The following HIVEP1 variants were observed in gnomAD, a reference collection of about 807,000 sequenced individuals.
HIVEP1 encodes the protein HIVEP zinc finger 1, also known as zinc finger protein 40.
A neutral mutation model predicts 180.0 loss-of-function variants in HIVEP1; 36 were observed. That is an observed-to-expected ratio of 0.20 (90% CI 0.15 to 0.26). The LOEUF (loss-of-function observed/expected upper bound fraction) is 0.26. HIVEP1 is among the 10% of genes least tolerant of loss of function. HIVEP1 has a pLI of 1.00. For synonymous variants in HIVEP1, 1,239 were observed against 1,239.0 expected, an observed-to-expected ratio of 1.00 and a Z score of 0.00; for missense variants, 3,143 against 3,268.7, an observed-to-expected ratio of 0.96 and a Z score of 0.94.
chr6:12,124,655 C>G lies in HIVEP1; in HGVS notation c.4860C>G (p.Leu1620=). The change falls in exon 4 of 9, where the codon CTC becomes CTG. Residue 1620 remains leucine (L), a synonymous_variant. Transcript: ENST00000379388. ...CGCATCCTCTGCTACCACCAGAGCT[C>G]AGGCCCCTTGGAAGTCAGGTGCAGA... ...SNSHPLLPPE[L]RPLGSQVQKV... The G allele has an allele frequency of 6.2e-7, 1 of 1,614,182 alleles. No homozygotes were observed. Among genetic ancestry groups the G allele is most frequent in the Middle Eastern group, 1.6e-4 (1 of 6,062 alleles).
At chr6:12,126,014 G>A in intron 4 of HIVEP1, 144 bp downstream of exon 4, 1 of 610,454 alleles carries the variant, frequency 1.6e-6, no homozygotes, top group Non-Finnish European at 2.9e-6. Flanking sequence ...AAGACAGGGT[G>A]ATATATTTAC....
the HIVEP1 span, among the ~76,000 whole-genome samples, chr6:12,203,150 G>A: frequency 2.0e-5 from 3 of 152,340 alleles, no homozygotes; most frequent in East Asian, 5.8e-4. Context: ...TGGATTTGGT[G>A]GGAGAAGGAT....
At chr6:12,116,566 A>G (rs1775226579) in intron 3 of HIVEP1, among the ~76,000 whole-genome samples, 1 of 152,082 alleles carries the variant, frequency 6.6e-6, no homozygotes, top group African/African-American at 2.4e-5. Flanking sequence ...AAGTCCTTGA[A>G]TTTAGACTGA....
chr6:12,116,547 T>C (rs1775224876), intron 3 of HIVEP1, among the ~76,000 whole-genome samples: 1 of 145,356 alleles, frequency 6.9e-6, no homozygotes, highest in Non-Finnish European at 1.5e-5. Flanking sequence ...CTCCTTACAA[T>C]AAAAAAAAAA....
intron 2 of HIVEP1, among the ~76,000 whole-genome samples, chr6:12,086,153 C>A (rs998289070): frequency 3.9e-5 from 6 of 152,138 alleles, no homozygotes; most frequent in African/African-American, 1.4e-4. Flanking sequence ...TACTTCTCTT[C>A]TAGCCTATTG....
intron 7 of HIVEP1, among the ~76,000 whole-genome samples, chr6:12,152,738 A>G (rs1479294943): frequency 6.6e-6 from 1 of 152,180 alleles, no homozygotes; most frequent in African/African-American, 2.4e-5. Context: ...GAAACCCAGG[A>G]AAGGAATCCC....
At chr6:12,153,765 T>G (rs1343388989) in intron 7 of HIVEP1, among the ~76,000 whole-genome samples, 3 of 151,982 alleles carry the variant, frequency 2.0e-5, no homozygotes, top group African/African-American at 7.2e-5. Flanking sequence ...AAGGTACTAG[T>G]GAGAAGTCTT....
chr6:12,084,383 G>A (rs978903069), intron 2 of HIVEP1, among the ~76,000 whole-genome samples: 4 of 152,116 alleles, frequency 2.6e-5, no homozygotes, highest in African/African-American at 9.7e-5. Flanking sequence ...AAGTCCAGCG[G>A]TATTTGAGAT....
chr6:12,090,635 T>C (rs1244461690), intron 3 of HIVEP1, among the ~76,000 whole-genome samples: 1 of 151,962 alleles, frequency 6.6e-6, no homozygotes, highest in African/African-American at 2.4e-5. Context: ...ATGGCCACCT[T>C]GTCCCTTTGA....
At chr6:12,108,831 G>A (rs529127891) in intron 3 of HIVEP1, among the ~76,000 whole-genome samples, 7 of 152,218 alleles carry the variant, frequency 4.6e-5, no homozygotes, top group Non-Finnish European at 8.8e-5. Flanking sequence ...CCAGAAAGGG[G>A]CTCCCACAGT....
intron 2 of HIVEP1, among the ~76,000 whole-genome samples, chr6:12,068,251 C>T (rs57578861): frequency 0.048 from 7,326 of 152,070 alleles, 234 homozygotes; most frequent in Middle Eastern, 0.14. Context: ...CCACCATGCC[C>T]GTCTAATTTT....
At chr6:12,080,968 T>A (rs1395749175) in intron 2 of HIVEP1, among the ~76,000 whole-genome samples, 1 of 151,860 alleles carries the variant, frequency 6.6e-6, no homozygotes, top group African/African-American at 2.4e-5. Context: ...AACCTGCAGC[T>A]CCCTCTATCT....
At chr6:12,191,499 T>G in the HIVEP1 span, among the ~76,000 whole-genome samples, 2 of 152,038 alleles carry the variant, frequency 1.3e-5, no homozygotes, top group Non-Finnish European at 2.9e-5. Context: ...GAGGCTGAGG[T>G]GGGAGGATTG....
At chr6:12,126,960 C>T (rs1171268919) in intron 4 of HIVEP1, among the ~76,000 whole-genome samples, 1 of 152,102 alleles carries the variant, frequency 6.6e-6, no homozygotes, top group Non-Finnish European at 1.5e-5. Context: ...CGGGTTCAAG[C>T]AACCCTCCTG....
At position 12,121,968 on chromosome 6, in the gene HIVEP1, G is replaced by A. The variant is rs1203970076; in HGVS notation, c.2173G>A (p.Gly725Arg). The change falls in exon 4 of 9, where the codon GGG becomes AGG. Residue 725 changes from glycine to arginine, a missense_variant. By Grantham distance (125) the Gly-to-Arg change is moderately radical. This residue lies in a region of HIVEP1 where 365 missense variants were observed against 344.4 expected (regional missense o/e 1.06). Coordinates refer to ENST00000379388, the MANE Select transcript of HIVEP1 (RefSeq NM_002114.4). The surrounding 1 kb of genome is among the most constrained non-coding windows in gnomAD (Gnocchi z 5.3). The part of the protein sequence containing the change: ...TTSTPSALPT[G>R]EKALLLPGQM... ...GTCAACACCCTCTGCTTTGCCCACA[G>A]GGGAAAAGGCATTGCTTTTACCAGG... 1 of 1,614,122 alleles carries A rather than the reference G, an allele frequency of 6.2e-7. No homozygotes were observed. Among genetic ancestry groups the A allele is most frequent in the Non-Finnish European group, 8.5e-7 (1 of 1,180,000 alleles).
Position 12,063,978 on chromosome 6 carries a change from G to A in HIVEP1, c.41-25206G>A, listed in dbSNP as rs567215069. On this transcript the variant is annotated intron_variant, in intron 2 of 8. Coordinates refer to ENST00000379388, the MANE Select transcript of HIVEP1 (RefSeq NM_002114.4). This position sits in a 1 kb window ranked among gnomAD's most constrained non-coding sequence, Gnocchi z 4.2. ...AAGATTAGGTGTGATCTTGGAAAAT[G>A]AGAGACCTCAGATTTTGGCAAGGAA... 1.0e-3 allele frequency among the ~76,000 whole-genome samples: 152 copies of A among 152,284 alleles called. No homozygotes were observed. Among genetic ancestry groups the A allele is most frequent in the Admixed American group, 2.8e-3 (43 of 15,292 alleles).
At chr6:12,110,759 C>T (rs1192474744) in intron 3 of HIVEP1, among the ~76,000 whole-genome samples, 2 of 152,172 alleles carry the variant, frequency 1.3e-5, no homozygotes, top group African/African-American at 2.4e-5. Flanking sequence ...CTTTTAATTT[C>T]CTTCAATAAC....
chr6:12,124,545 C>G lies in HIVEP1; in HGVS notation c.4750C>G (p.Gln1584Glu), dbSNP rs760135154. The G allele has an allele frequency of 4.3e-6, 7 of 1,614,084 alleles. No individual in the cohort carries two copies. The South Asian group carries it at 7.7e-5, about 18-fold the overall frequency. The change falls in exon 4 of 9, where the codon CAA (glutamine) becomes GAA (glutamate). Residue 1584 changes from glutamine (Q) to glutamate (E), a missense_variant. Physicochemically the swap from Gln to Glu is conservative, Grantham distance 29. This residue lies in a region of HIVEP1 where 1,357 missense variants were observed against 1,260.5 expected (regional missense o/e 1.08). Coordinates refer to ENST00000379388, the MANE Select transcript of HIVEP1 (RefSeq NM_002114.4). ...TAATCCTGTGCATTCTTTGCCAAAT[C>G]AAGTTATTTCAGATCCAGTTGGAAC... ...SSNPVHSLPN[Q>E]VISDPVGTDH... is the part of the protein sequence containing the mutation.
At chr6:12,137,212 C>T (rs1482053727) in intron 7 of HIVEP1, among the ~76,000 whole-genome samples, 1 of 152,110 alleles carries the variant, frequency 6.6e-6, no homozygotes, top group Non-Finnish European at 1.5e-5. Context: ...TACCCACTGA[C>T]TAGAAAAGGG....
Sources: gnomAD v4.1 joint callset for allele counts (sites outside exome capture counted in the v4.1 genomes callset) on GRCh38, gnomAD v4.1.1 for gene constraint, gnomAD v4.1.1 regional missense constraint, Gnocchi (gnomAD v3.1) non-coding constraint, MANE v1.5 for transcripts, NCBI Gene and HGNC (gene_info 2026-07-23, HGNC 2026-07-21) for gene names.